SCAPER: variants seen among roughly 807,000 people sequenced by gnomAD.
SCAPER encodes S phase cyclin A-associated protein in the endoplasmic reticulum.
SCAPER carries 98 observed loss-of-function variants against 182.2 expected under a neutral mutation model. The ratio of observed to expected loss-of-function variants is 0.54; its 90% CI spans 0.46 to 0.64. The LOEUF is 0.64. Among genes scored for constraint, SCAPER ranks in the 30% least tolerant of loss-of-function variants. SCAPER has a pLI of 0.00. For missense variants in SCAPER, 1,432 were observed against 1,690.0 expected (o/e 0.85, Z 2.68); for synonymous variants, 605 against 564.6 (o/e 1.07, Z -1.01).
At chr15:76,592,530 C>T (rs958958866) in intron 22 of SCAPER, among the ~76,000 whole-genome samples, 1 of 122,786 alleles carries the variant, frequency 8.1e-6, no homozygotes, top group African/African-American at 2.5e-5. Context: ...TGGTGGCTGG[C>T]AAGATGGCCA....
chr15:76,631,754 T>G (rs115057366), intron 21 of SCAPER, among the ~76,000 whole-genome samples: 4 of 152,332 alleles, frequency 2.6e-5, no homozygotes, highest in African/African-American at 4.8e-5. Flanking sequence ...AATGTGAAGA[T>G]TATACGTCTT....
chr15:76,472,028 A>C (rs1165624588), intron 24 of SCAPER: 1 of 253,066 alleles, frequency 4.0e-6, no homozygotes, highest in African/African-American at 2.2e-5. Flanking sequence ...GGCAAGAATG[A>C]CCCCAGCCCG....
chr15:76,601,038 T>A (rs2049896592), intron 22 of SCAPER, among the ~76,000 whole-genome samples: 1 of 120,938 alleles, frequency 8.3e-6, no homozygotes, highest in Non-Finnish European at 2.0e-5. Flanking sequence ...GAAGAAAAAA[T>A]GTATTGAGAA....
intron 3 of SCAPER, among the ~76,000 whole-genome samples, chr15:76,859,118 C>T (rs1003984015): frequency 1.8e-4 from 28 of 152,326 alleles, no homozygotes; most frequent in Admixed American, 1.6e-3. Flanking sequence ...TTTTTCTCTG[C>T]AACCTCTCCA....
At chr15:76,402,504 G>A (rs1181786890) in intron 27 of SCAPER, among the ~76,000 whole-genome samples, 1 of 151,996 alleles carries the variant, frequency 6.6e-6, no homozygotes, top group Admixed American at 6.6e-5. Context: ...TTCTGCCTAT[G>A]GAAGCCTTTT....
At chr15:76,778,643 ATG>A (rs60597958) in intron 8 of SCAPER, among the ~76,000 whole-genome samples, 24,957 of 148,406 alleles carry the variant, frequency 0.17, 2,210 homozygotes, top group African/African-American at 0.23. Flanking sequence ...GTGTGAGTGT[ATG>A]TGTGTGTGTG....
intron 24 of SCAPER, among the ~76,000 whole-genome samples, chr15:76,496,652 GTTCA>G (rs977538723): frequency 6.6e-6 from 1 of 152,166 alleles, no homozygotes; most frequent in African/African-American, 2.4e-5. Context: ...AAAAAGGAAA[GTTCA>G]GTCAGTCCCA....
chr15:76,851,118 G>A (rs2070713612), intron 4 of SCAPER, among the ~76,000 whole-genome samples: 1 of 152,022 alleles, frequency 6.6e-6, no homozygotes, highest in Non-Finnish European at 1.5e-5. Flanking sequence ...CTTGAAGGCT[G>A]GCTTTCTGAA....
At chr15:76,790,189 C>G (rs1274477775) in intron 8 of SCAPER, among the ~76,000 whole-genome samples, 5 of 150,794 alleles carry the variant, frequency 3.3e-5, no homozygotes, top group African/African-American at 1.2e-4. Flanking sequence ...TGAGATTGCA[C>G]CACTGCACTC....
intron 23 of SCAPER, among the ~76,000 whole-genome samples, chr15:76,547,579 A>G (rs2045400931): frequency 6.6e-6 from 1 of 152,114 alleles, no homozygotes; most frequent in Non-Finnish European, 1.5e-5. Context: ...ATCATAAAAT[A>G]TATTTCTTCT....
chr15:76,598,116 AC>A lies in SCAPER; in HGVS notation c.2711+23647del, dbSNP rs1372362136. On this transcript the variant is annotated intron_variant, in intron 22 of 31. Coordinates refer to ENST00000563290, the MANE Select transcript of SCAPER (RefSeq NM_020843.4). ...AAAACAAATGTACAAGAAAAAAAAA[AC>A]AACCCCATCAAAAAGTGGGTGATGG... Among the ~76,000 whole-genome samples, 2 of 120,648 alleles carry A rather than the reference AC, an allele frequency of 1.7e-5. 1 individual carries two copies. The highest frequency in any genetic ancestry group is 4.0e-5 in the Non-Finnish European group (2 of 49,800). 79.1% of individuals were successfully genotyped at this position (120,648 alleles called of 152,430 possible).
intron 17 of SCAPER, among the ~76,000 whole-genome samples, chr15:76,710,871 T>A (rs1489453830): frequency 6.6e-6 from 1 of 152,082 alleles, no homozygotes; most frequent in African/African-American, 2.4e-5. Flanking sequence ...TGTAGTACTG[T>A]CACAAGAACA....
intron 1 of SCAPER, among the ~76,000 whole-genome samples, chr15:76,902,357 A>G (rs777763750): frequency 4.1e-4 from 63 of 152,234 alleles, no homozygotes; most frequent in Middle Eastern, 6.3e-3. Context: ...CAAGGGGAGC[A>G]TGGGCTGAAA....
At chr15:76,902,507 TA>T (rs2074843119) in intron 1 of SCAPER, among the ~76,000 whole-genome samples, 1 of 152,184 alleles carries the variant, frequency 6.6e-6, no homozygotes, top group Admixed American at 6.5e-5. Context: ...AAAAAAAGGT[TA>T]CCATCCAGCA....
At chr15:76,522,317 T>G (rs1392427724) in intron 23 of SCAPER, among the ~76,000 whole-genome samples, 1 of 152,142 alleles carries the variant, frequency 6.6e-6, no homozygotes, top group Non-Finnish European at 1.5e-5. Context: ...GGTGGAGAGA[T>G]ACTTCTTCAA....
At chr15:76,428,615 C>T (rs917642855) in intron 26 of SCAPER, among the ~76,000 whole-genome samples, 15 of 151,546 alleles carry the variant, frequency 9.9e-5, no homozygotes, top group Admixed American at 8.6e-4. Flanking sequence ...AGTACACCAG[C>T]GGTTACCAGA....
chr15:76,354,120 G>A lies in SCAPER; in HGVS notation c.3876C>T (p.Arg1292=), dbSNP rs765023104. ...PDNQVIVQSG[R]HPTVLQKLCQ... ...AGAGCTTCTGCAGCACTGTGGGGTG[G>A]CGGCCGGACTGCACGATCACCTGAA... The change falls in exon 30 of 32, where the codon CGC becomes CGT. Residue 1292 remains arginine (R), a synonymous_variant. Coordinates refer to ENST00000563290, the MANE Select transcript of SCAPER (RefSeq NM_020843.4). This position sits in a 1 kb window ranked among gnomAD's most constrained non-coding sequence, Gnocchi z 4.4. The A allele has an allele frequency of 6.2e-7, 1 of 1,606,352 alleles. No homozygotes were observed. The highest frequency in any genetic ancestry group is 2.3e-5 in the East Asian group (1 of 44,218).
At chr15:76,478,463 G>A (rs1227820896) in intron 24 of SCAPER, among the ~76,000 whole-genome samples, 1 of 151,576 alleles carries the variant, frequency 6.6e-6, no homozygotes, top group Non-Finnish European at 1.5e-5. Context: ...TTTTCTTTTT[G>A]TGCTTTAAAA....
At chr15:76,540,692 GT>G (rs968430970) in intron 23 of SCAPER, among the ~76,000 whole-genome samples, 56 of 150,642 alleles carry the variant, frequency 3.7e-4, no homozygotes, top group Admixed American at 6.0e-4. Flanking sequence ...GTATTGTCTA[GT>G]TTTTTTTTAC....
Sources: allele counts gnomAD v4.1 joint callset (sites outside exome capture counted in the v4.1 genomes callset), GRCh38; gene constraint gnomAD v4.1.1; non-coding constraint Gnocchi (gnomAD v3.1); transcripts MANE v1.5; gene names NCBI Gene and HGNC (gene_info 2026-07-23, HGNC 2026-07-21).